Variants in C12orf60 observed in about 807,000 individuals in gnomAD.
C12orf60 encodes the protein uncharacterized protein C12orf60.
For synonymous variants in C12orf60, 102 were observed against 94.6 expected (o/e 1.08, Z -0.45); for missense variants, 284 against 283.2 (o/e 1.00, Z -0.02).
Position 14,823,516 on chromosome 12 carries a change from T to C in C12orf60, c.581T>C (p.Val194Ala), listed in dbSNP as rs1315109679. 1 of 1,613,236 alleles carries C rather than the reference T, an allele frequency of 6.2e-7. No homozygotes were observed. Among genetic ancestry groups the C allele is most frequent in the Non-Finnish European group, 8.5e-7 (1 of 1,179,846 alleles). The change falls in exon 2 of 2, where the codon GTA (valine) becomes GCA (alanine). Residue 194 changes from valine to alanine, a missense_variant. By Grantham distance (64) the Val-to-Ala change is moderately conservative (BLOSUM62 0). Transcript: ENST00000330828. ...GACACCTTGAAAAAACTGCAGGATG[T>C]ACTAAAAACTGAGGATTCCAAAAAT... ...MIDTLKKLQDVLKTEDSKNPT... is the reference protein window; with the variant it reads ...MIDTLKKLQDALKTEDSKNPT...
rs61920259 is a variant in C12orf60, at chr12:14,823,563, T to C, written c.628T>C (p.Leu210=). ...SKNPTKSAAD[L]LEQIVKAMGP... is the part of the protein sequence containing the mutation. ...AAATCCCACAAAGTCAGCAGCAGAT[T>C]TGTTGGAACAAATTGTCAAGGCTAT... Residue 210 remains leucine (L), a synonymous_variant, in exon 2 of 2, where the codon TTG becomes CTG. Coordinates refer to ENST00000330828, the MANE Select transcript of C12orf60 (RefSeq NM_175874.4). 154,783 of 1,613,656 alleles carry C rather than the reference T, an allele frequency of 0.096. 8,059 individuals are homozygous for C. Among genetic ancestry groups the C allele is most frequent in the Non-Finnish European group, 0.11 (126,185 of 1,179,832 alleles).
At position 14,823,225 on chromosome 12, in the gene C12orf60, T is replaced by C. The variant is rs1296796477; in HGVS notation, c.290T>C (p.Val97Ala). ...CSKVAMAMCS[V>A]VQKSTNVEEL... ...AAGGTTGCAATGGCCATGTGCTCTG[T>C]GGTTCAGAAGAGTACCAATGTAGAG... The change falls in exon 2 of 2, where the codon GTG becomes GCG. Residue 97 changes from valine to alanine, a missense_variant. Coordinates refer to ENST00000330828, the MANE Select transcript of C12orf60 (RefSeq NM_175874.4). The C allele has an allele frequency of 6.2e-7, 1 of 1,614,022 alleles. No individual in the cohort carries two copies. The highest frequency in any genetic ancestry group is 8.5e-7 in the Non-Finnish European group (1 of 1,180,008).
At chr12:14,821,744 G>T (rs1013699391) in intron 1 of C12orf60, among the ~76,000 whole-genome samples, 3 of 151,270 alleles carry the variant, frequency 2.0e-5, no homozygotes, top group Non-Finnish European at 2.9e-5. Context: ...GATTCCCGGG[G>T]GTCCCCTTTC....
At chr12:14,806,086 G>C (rs376938990) in intron 1 of C12orf60, 8 of 1,614,060 alleles carry the variant, frequency 5.0e-6, no homozygotes, top group Non-Finnish European at 6.8e-6. Flanking sequence ...AACTCCACCA[G>C]ATGCTTCTCA....
intron 1 of C12orf60, 89 bp from the exon 2 acceptor site, chr12:14,822,823 T>C (rs1040969963): frequency 1.7e-6 from 2 of 1,150,662 alleles, no homozygotes; most frequent in Non-Finnish European, 2.4e-6. Flanking sequence ...CAGGGGGAGT[T>C]ATCTTCATAT....
Position 14,823,503 on chromosome 12 carries a change from A to T in C12orf60, c.568A>T (p.Lys190Ter), listed in dbSNP as rs577685882. The T allele has an allele frequency of 6.2e-7, 1 of 1,613,024 alleles. No individual in the cohort carries two copies. Residue 190 changes from lysine (K) to a stop codon, truncating the protein, a stop_gained, in exon 2 of 2, where the codon AAA becomes TAA. Coordinates refer to ENST00000330828, the MANE Select transcript of C12orf60 (RefSeq NM_175874.4). LOFTEE classifies it low-confidence loss of function (END_TRUNC). ...SKTTMIDTLK[K>*]LQDVLKTEDS... ...AACCACTATGATAGACACCTTGAAA[A>T]AACTGCAGGATGTACTAAAAACTGA...
At chr12:14,809,689 G>C (rs1950106868) in intron 1 of C12orf60, among the ~76,000 whole-genome samples, 1 of 152,070 alleles carries the variant, frequency 6.6e-6, no homozygotes, top group African/African-American at 2.4e-5. Flanking sequence ...TCGGTATGGA[G>C]TGGGACTTTA....
rs868755778 is a variant in C12orf60, at chr12:14,823,086, A to G, written c.151A>G (p.Lys51Glu). ...MNTQILLMAV[K>E]NNSYIKDFFE... ...TACTCAAATCCTTTTGATGGCTGTG[A>G]AAAACAATAGTTACATTAAGGATTT... is the stretch of plus-strand genomic sequence containing the variant. The change falls in exon 2 of 2, where the codon AAA becomes GAA. Residue 51 changes from lysine (K) to glutamate (E), a missense_variant. Transcript: ENST00000330828. The G allele has an allele frequency of 1.2e-6, 2 of 1,614,170 alleles. No homozygotes were observed. Among genetic ancestry groups the G allele is most frequent in the Non-Finnish European group, 8.5e-7 (1 of 1,180,010 alleles).
chr12:14,823,615 A>C lies in C12orf60; in HGVS notation c.680A>C (p.Lys227Thr), dbSNP rs199753169. The C allele has an allele frequency of 6.2e-7, 1 of 1,605,936 alleles. No homozygotes were observed. Among genetic ancestry groups the C allele is most frequent in the Non-Finnish European group, 8.5e-7 (1 of 1,177,850 alleles). ...AMGPILEILQ[K>T]AIKTMEMNIS... Reference sequence around the variant, plus strand: ...GGACCAATCTTAGAGATCCTCCAAAAAGCGATAAAGACTATGGAAATGAAT... The same window carrying C: ...GGACCAATCTTAGAGATCCTCCAAACAGCGATAAAGACTATGGAAATGAAT... Residue 227 changes from lysine to threonine, a missense_variant, in exon 2 of 2, where the codon AAA (lysine) becomes ACA (threonine). Transcript: ENST00000330828.
intron 1 of C12orf60, among the ~76,000 whole-genome samples, chr12:14,804,146 TA>T (rs1207941608): frequency 1.3e-5 from 2 of 152,274 alleles, no homozygotes; most frequent in Non-Finnish European, 2.9e-5. Flanking sequence ...GGTTTTAAGT[TA>T]TATGAGTGGC....
chr12:14,821,673 C>T (rs1442097984), intron 1 of C12orf60, among the ~76,000 whole-genome samples: 1 of 152,066 alleles, frequency 6.6e-6, no homozygotes, highest in Non-Finnish European at 1.5e-5. Flanking sequence ...TTGAAAATCC[C>T]AACAGTGCTA....
At chr12:14,806,056 A>G in intron 1 of C12orf60, 2 of 1,614,152 alleles carry the variant, frequency 1.2e-6, no homozygotes, top group Non-Finnish European at 1.7e-6. Context: ...GCATGATTAT[A>G]TTTTTCTGAG....
chr12:14,810,013 CTT>C (rs1341961963), intron 1 of C12orf60, among the ~76,000 whole-genome samples: 1 of 152,202 alleles, frequency 6.6e-6, no homozygotes, highest in Admixed American at 6.5e-5. Flanking sequence ...CGCTTAGACT[CTT>C]TTTCGTGGGA....
At chr12:14,813,132 A>G (rs1272981497) in intron 1 of C12orf60, among the ~76,000 whole-genome samples, 5 of 152,192 alleles carry the variant, frequency 3.3e-5, no homozygotes, top group Admixed American at 2.6e-4. Context: ...TTATTATATT[A>G]TTGTCTCTAC....
chr12:14,807,219 A>G (rs955747893), intron 1 of C12orf60, among the ~76,000 whole-genome samples: 1 of 152,252 alleles, frequency 6.6e-6, no homozygotes, highest in African/African-American at 2.4e-5. Flanking sequence ...CCTTTGATGG[A>G]TAAATTAAGT....
At chr12:14,813,099 C>T (rs1227399222) in intron 1 of C12orf60, among the ~76,000 whole-genome samples, 2 of 152,080 alleles carry the variant, frequency 1.3e-5, no homozygotes, top group Non-Finnish European at 2.9e-5. Flanking sequence ...ATTTTTAAAG[C>T]TGAGTTATGG....
rs149241874 is a variant in C12orf60, at chr12:14,810,278, A to G, written c.-25+6527A>G. Among the ~76,000 whole-genome samples, 447 of 152,266 alleles carry G rather than the reference A, an allele frequency of 2.9e-3. 3 individuals are homozygous for G. The highest frequency in any genetic ancestry group is 0.011 in the African/African-American group (438 of 41,538). ...CTGAATACAGCTCAAGGTTATTTCT[A>G]CACCCCAAATGAGATAAGAAGCACT... On this transcript the variant is annotated intron_variant, in intron 1 of 1. Transcript: ENST00000330828.
chr12:14,824,248 C>T lies in C12orf60; in HGVS notation c.*575C>T, dbSNP rs1950346997. 6.6e-6 allele frequency: 1 copy of T among 152,178 alleles called. No homozygotes were observed. The highest frequency in any genetic ancestry group is 2.1e-4 in the South Asian group (1 of 4,834). The allele number at this position is 152,178 out of a possible 1,614,324, so 9.4% of individuals were successfully genotyped here. ...GTAAGACCAGAACAGATAGTTCATT[C>T]TCACTTGTCTCCTGAGGTCTTATGA... is the stretch of plus-strand genomic sequence containing the variant. On this transcript the variant is annotated 3_prime_UTR_variant, in exon 2 of 2. Coordinates refer to ENST00000330828, the MANE Select transcript of C12orf60 (RefSeq NM_175874.4).
chr12:14,821,758 G>C (rs1374237043), intron 1 of C12orf60, among the ~76,000 whole-genome samples: 1 of 151,426 alleles, frequency 6.6e-6, no homozygotes, highest in African/African-American at 2.4e-5. Flanking sequence ...CCCTTTCCTG[G>C]TGTTCTGGCT....
Sources: gnomAD v4.1 joint callset for allele counts (sites outside exome capture counted in the v4.1 genomes callset) on GRCh38, gnomAD v4.1.1 for gene constraint, MANE v1.5 for transcripts, NCBI Gene and HGNC (gene_info 2026-07-23, HGNC 2026-07-21) for gene names.